ZZEF1: variants seen among roughly 807,000 people sequenced by gnomAD.
The protein encoded by ZZEF1 is zinc finger ZZ-type and EF-hand domain-containing protein 1.
Under a neutral mutation model 342.8 loss-of-function variants are expected in ZZEF1, and 157 were observed. The observed-to-expected ratio is 0.46, with a 90% CI of 0.40 to 0.52. The LOEUF (loss-of-function observed/expected upper bound fraction) is 0.52, where lower values mean the gene tolerates loss of function less well. Among genes scored for constraint, ZZEF1 ranks in the 20% least tolerant of loss-of-function variants. ZZEF1 has a pLI of 0.00. For missense variants in ZZEF1, 3,480 were observed against 3,725.6 expected, an observed-to-expected ratio of 0.93 and a Z score of 1.72; for synonymous variants, 1,505 against 1,429.1, an observed-to-expected ratio of 1.05 and a Z score of -1.20.
chr17:4,109,538 G>A (rs926238317), intron 6 of ZZEF1, 115 bp downstream of exon 6: 5 of 1,116,836 alleles, frequency 4.5e-6, no homozygotes, highest in Non-Finnish European at 3.9e-6. Flanking sequence ...ACCTGAGGCC[G>A]AGCTGACTGA....
At chr17:4,130,754 C>T (rs1017723099) in intron 1 of ZZEF1, among the ~76,000 whole-genome samples, 5 of 152,112 alleles carry the variant, frequency 3.3e-5, no homozygotes, top group African/African-American at 1.2e-4. Context: ...ACTATCATTA[C>T]GATTCAAGAT....
chr17:4,087,889 T>C (rs1567830127), intron 13 of ZZEF1, among the ~76,000 whole-genome samples: 1 of 151,948 alleles, frequency 6.6e-6, no homozygotes, highest in Non-Finnish European at 1.5e-5. Flanking sequence ...ATGATCACTG[T>C]CCAGGACTGT....
chr17:4,014,579 C>T lies in ZZEF1; in HGVS notation c.8146-64G>A. The T allele has an allele frequency of 3.8e-6, 6 of 1,561,546 alleles. No homozygotes were observed. Among genetic ancestry groups the T allele is most frequent in the Non-Finnish European group, 5.3e-6 (6 of 1,138,132 alleles). On this transcript the variant is annotated intron_variant, in intron 49 of 54. Coordinates refer to ENST00000381638, the MANE Select transcript of ZZEF1 (RefSeq NM_015113.4). This position sits in a 1 kb window ranked among gnomAD's most constrained non-coding sequence, Gnocchi z 4.4. ...CTCACTAGACACTGACTGCAGCTGT[C>T]CCATGCCGAGTCCTGTGGCTGGACC...
chr17:4,053,104 T>C (rs993270657), intron 34 of ZZEF1, among the ~76,000 whole-genome samples: 1 of 152,194 alleles, frequency 6.6e-6, no homozygotes, highest in African/African-American at 2.4e-5. Flanking sequence ...CTGTGACTGA[T>C]TTCCTAAAGG....
intron 23 of ZZEF1, 48 bp from the exon 24 acceptor site, chr17:4,074,399 G>A: frequency 1.3e-6 from 2 of 1,583,652 alleles, no homozygotes; most frequent in Non-Finnish European, 1.7e-6. Context: ...GAGGAGGAGT[G>A]CTTCAGAAAT....
chr17:4,007,068 C>G (rs116168236), intron 54 of ZZEF1, 98 bp from the exon 55 acceptor site: 2 of 1,110,262 alleles, frequency 1.8e-6, no homozygotes, highest in Non-Finnish European at 2.5e-6. Context: ...GATGTGGGGA[C>G]GGAGGAGGGG....
chr17:4,127,681 G>A (rs533475683), intron 1 of ZZEF1, among the ~76,000 whole-genome samples: 1 of 152,210 alleles, frequency 6.6e-6, no homozygotes, highest in African/African-American at 2.4e-5. Context: ...GAAAATACCA[G>A]GCACAACTGA....
In ZZEF1 at chr17:4,016,298, T is replaced by A; in HGVS notation, c.8145+25A>T. 1.2e-6 allele frequency: 2 copies of A among 1,602,074 alleles called. No homozygotes were observed. Among genetic ancestry groups the A allele is most frequent in the East Asian group, 2.2e-5 (1 of 44,846 alleles). ...GGTCTCTGCGGCTCAGTCGCTCTTA[T>A]GGGGCCTGCCGGCCCCAGGCTTACC... On this transcript the variant is annotated intron_variant, in intron 49 of 54. Transcript: ENST00000381638. This position sits in a 1 kb window ranked among gnomAD's most constrained non-coding sequence, Gnocchi z 4.4.
chr17:4,119,424 T>C (rs1196665122), intron 2 of ZZEF1, among the ~76,000 whole-genome samples: 1 of 152,246 alleles, frequency 6.6e-6, no homozygotes, highest in African/African-American at 2.4e-5. Context: ...CCAGCTCTGA[T>C]GGCTTCCATT....
chr17:4,049,568 G>A, intron 37 of ZZEF1, 140 bp downstream of exon 37: 1 of 944,352 alleles, frequency 1.1e-6, no homozygotes, highest in South Asian at 1.8e-5. Flanking sequence ...ACATGCCCAA[G>A]GTTTGATGGA....
chr17:4,084,273 T>G (rs1254083765), intron 16 of ZZEF1, among the ~76,000 whole-genome samples: 1 of 151,328 alleles, frequency 6.6e-6, no homozygotes, highest in Non-Finnish European at 1.5e-5. Flanking sequence ...TTAATCTTAT[T>G]AAAATATTTT....
rs1451571839 is a variant in ZZEF1 at position 4,032,230 on chromosome 17, T to G, written c.6788A>C (p.Tyr2263Ser). 2.4e-5 allele frequency: 39 copies of G among 1,613,658 alleles called. No homozygotes were observed. The highest frequency in any genetic ancestry group is 3.2e-5 in the Non-Finnish European group (38 of 1,179,902). Residue 2263 changes from tyrosine (Y) to serine (S), a missense_variant, in exon 42 of 55, where the codon TAT becomes TCT. Physicochemically the swap from Tyr to Ser is moderately radical, Grantham distance 144. Coordinates refer to ENST00000381638, the MANE Select transcript of ZZEF1 (RefSeq NM_015113.4). ...ATGGGGTTCATTGGCATTATCCATA[T>G]AAACGCAGCGGGTTCCCACACAGAG... is the stretch of plus-strand genomic sequence containing the variant. ...QVLCVGTRCVYMDNANEPHNV... is the reference protein window; with the variant it reads ...QVLCVGTRCVSMDNANEPHNV...
At chr17:4,078,328 C>T (rs1466620647) in intron 18 of ZZEF1, among the ~76,000 whole-genome samples, 4 of 152,196 alleles carry the variant, frequency 2.6e-5, no homozygotes, top group Non-Finnish European at 4.4e-5. Flanking sequence ...CTTTCTCTTA[C>T]ATCTTAAAAT....
At chr17:4,119,830 T>C (rs1597920678) in intron 2 of ZZEF1, among the ~76,000 whole-genome samples, 1 of 152,294 alleles carries the variant, frequency 6.6e-6, no homozygotes, top group East Asian at 1.9e-4. Context: ...GTTCTCCATA[T>C]ATGGCCAAAG....
chr17:4,049,943 T>C (rs756205608), intron 36 of ZZEF1, 84 bp from the exon 37 acceptor site: 12 of 1,475,268 alleles, frequency 8.1e-6, no homozygotes, highest in East Asian at 2.3e-5. Flanking sequence ...ACTTTGCCAT[T>C]ATATAGAAAT....
chr17:4,108,576 G>A (rs2058248313), intron 6 of ZZEF1, among the ~76,000 whole-genome samples: 3 of 152,186 alleles, frequency 2.0e-5, no homozygotes, highest in Admixed American at 6.5e-5. Context: ...GGATGAGATG[G>A]TGGCAACATA....
rs141307395 is a variant in ZZEF1, at chr17:4,067,168, A to G, written c.4150T>C (p.Trp1384Arg). ...VYSLADGIRI[W>R]MLEMKQKSLM... ...ACATGCAAAGAAAATCTTACCATCC[A>G]TATTCGAATCCCATCTGCCAAGGAA... Residue 1384 changes from tryptophan (W) to arginine (R), a missense_variant, in exon 27 of 55, where the codon TGG becomes CGG. Coordinates refer to ENST00000381638, the MANE Select transcript of ZZEF1 (RefSeq NM_015113.4). The G allele has an allele frequency of 2.5e-6, 4 of 1,612,684 alleles. No individual in the cohort carries two copies. The African/African-American group carries it at 5.3e-5, about 22-fold the overall frequency.
chr17:4,057,967 C>T, intron 32 of ZZEF1, 27 bp downstream of exon 32: 1 of 1,605,742 alleles, frequency 6.2e-7, no homozygotes, highest in Non-Finnish European at 8.5e-7. Flanking sequence ...ACATTAGGAA[C>T]TGCAGAGCGC....
chr17:4,021,585 T>C (rs1265921170), intron 44 of ZZEF1, among the ~76,000 whole-genome samples: 1 of 152,222 alleles, frequency 6.6e-6, no homozygotes, highest in East Asian at 1.9e-4. Context: ...GAACTTCTTT[T>C]GGCAAAATGT....
Sources: allele counts gnomAD v4.1 joint callset (sites outside exome capture counted in the v4.1 genomes callset), GRCh38; gene constraint gnomAD v4.1.1; non-coding constraint Gnocchi (gnomAD v3.1); transcripts MANE v1.5; gene names NCBI Gene and HGNC (gene_info 2026-07-23, HGNC 2026-07-21).